The following KHDRBS2 variants were observed in gnomAD, a reference collection of about 807,000 sequenced individuals.
KHDRBS2 encodes the protein KH domain-containing, RNA-binding, signal transduction-associated protein 2.
Under a neutral mutation model 44.3 loss-of-function variants are expected in KHDRBS2, and 26 were observed. The ratio of observed to expected loss-of-function variants is 0.59; its 90% CI spans 0.43 to 0.81. The LOEUF is 0.81. KHDRBS2 is among the 40% of genes least tolerant of loss of function. The pLI is 0.00. For synonymous variants in KHDRBS2, 194 were observed against 151.1 expected, an observed-to-expected ratio of 1.28 and a Z score of -2.08; for missense variants, 476 against 433.1, an observed-to-expected ratio of 1.10 and a Z score of -0.88.
intron 6 of KHDRBS2, among the ~76,000 whole-genome samples, chr6:61,747,896 T>C (rs566568057): frequency 1.3e-5 from 2 of 152,342 alleles, no homozygotes; most frequent in African/African-American, 2.4e-5. Context: ...GGTTAACAGA[T>C]AAAATGTAAA....
intron 1 of KHDRBS2, among the ~76,000 whole-genome samples, chr6:62,264,665 C>A (rs1395560913): frequency 6.6e-6 from 1 of 151,760 alleles, no homozygotes; most frequent in East Asian, 1.9e-4. Context: ...ACCGATTTTA[C>A]ACTTATTGAG....
At chr6:61,804,574 C>G (rs1786830486) in intron 6 of KHDRBS2, among the ~76,000 whole-genome samples, 1 of 152,198 alleles carries the variant, frequency 6.6e-6, no homozygotes, top group Non-Finnish European at 1.5e-5. Flanking sequence ...GGGCTCTTCC[C>G]CGGCAGCAAA....
chr6:62,274,367 T>C (rs1168158396), intron 1 of KHDRBS2, among the ~76,000 whole-genome samples: 1 of 152,146 alleles, frequency 6.6e-6, no homozygotes, highest in African/African-American at 2.4e-5. Context: ...TCCATCACAC[T>C]TGCCCCTTTT....
chr6:61,852,797 TA>T (rs1355169329), intron 6 of KHDRBS2, among the ~76,000 whole-genome samples: 1 of 152,190 alleles, frequency 6.6e-6, no homozygotes. Context: ...AAAATAATCT[TA>T]AAAATTGAGT....
At chr6:62,030,573 T>A (rs1473072494) in intron 3 of KHDRBS2, among the ~76,000 whole-genome samples, 2 of 152,080 alleles carry the variant, frequency 1.3e-5, no homozygotes, top group Non-Finnish European at 2.9e-5. Flanking sequence ...AATGATTATT[T>A]GCAGAATGAA....
At chr6:61,802,237 C>T (rs543837052) in intron 6 of KHDRBS2, among the ~76,000 whole-genome samples, 2 of 152,110 alleles carry the variant, frequency 1.3e-5, no homozygotes, top group African/African-American at 4.8e-5. Flanking sequence ...TTGTGAAACC[C>T]TAACAGAAAA....
chr6:62,106,107 C>A (rs1348053208), intron 2 of KHDRBS2, among the ~76,000 whole-genome samples: 1 of 152,054 alleles, frequency 6.6e-6, no homozygotes, highest in East Asian at 1.9e-4. Flanking sequence ...TTTCTTAATC[C>A]TGAGTTCTAG....
chr6:62,015,398 G>T lies in KHDRBS2; in HGVS notation c.336+32480C>A, dbSNP rs553183265. 4.6e-5 allele frequency among the ~76,000 whole-genome samples: 7 copies of T among 152,268 alleles called. No homozygotes were observed. In the East Asian group the frequency reaches 1.4e-3, roughly 29 times the overall value. ...TGGCTTTATAAGATGTAAGGGAAAAGTGGTGGAGATGCAGGTGCATGCTTT... is the reference window on the plus strand; with the variant it reads ...TGGCTTTATAAGATGTAAGGGAAAATTGGTGGAGATGCAGGTGCATGCTTT... On this transcript the variant is annotated intron_variant, in intron 3 of 8. Coordinates refer to ENST00000281156, the MANE Select transcript of KHDRBS2 (RefSeq NM_152688.4).
intron 2 of KHDRBS2, among the ~76,000 whole-genome samples, chr6:62,073,070 G>A (rs926985041): frequency 6.6e-6 from 1 of 152,142 alleles, no homozygotes; most frequent in South Asian, 2.1e-4. Context: ...TTAGTCTTGG[G>A]AGGGTGTATG....
intron 6 of KHDRBS2, among the ~76,000 whole-genome samples, chr6:61,801,153 A>G (rs1355748508): frequency 2.0e-5 from 3 of 152,194 alleles, no homozygotes; most frequent in Admixed American, 6.6e-5. Flanking sequence ...CTTTAGTTTT[A>G]GGTAACATAA....
chr6:61,756,844 A>G (rs1361219441), intron 6 of KHDRBS2, among the ~76,000 whole-genome samples: 3 of 152,168 alleles, frequency 2.0e-5, no homozygotes, highest in African/African-American at 7.2e-5. Context: ...TTCTCTTGCT[A>G]TTTTGTAATT....
chr6:62,176,101 A>G (rs1332932732), intron 2 of KHDRBS2, among the ~76,000 whole-genome samples: 1 of 151,416 alleles, frequency 6.6e-6, no homozygotes, highest in African/African-American at 2.4e-5. Flanking sequence ...TTATACTCCA[A>G]CATATTTCTA....
intron 1 of KHDRBS2, among the ~76,000 whole-genome samples, chr6:62,231,616 C>T (rs950305812): frequency 6.6e-6 from 1 of 152,046 alleles, no homozygotes; most frequent in Non-Finnish European, 1.5e-5. Context: ...ACAGTGAGAA[C>T]AATAAAATCA....
intron 6 of KHDRBS2, among the ~76,000 whole-genome samples, chr6:61,802,638 G>A (rs1009514671): frequency 6.6e-5 from 10 of 152,096 alleles, no homozygotes; most frequent in African/African-American, 2.2e-4. Context: ...ATGTCCCTAA[G>A]TACCTAAGGC....
At chr6:62,244,845 C>G (rs1563127070) in intron 1 of KHDRBS2, among the ~76,000 whole-genome samples, 1 of 152,010 alleles carries the variant, frequency 6.6e-6, no homozygotes, top group Non-Finnish European at 1.5e-5. Context: ...ATTGTATCTG[C>G]AGACGTTTGT....
At chr6:62,014,833 ATAAAT>A (rs1258500697) in intron 3 of KHDRBS2, among the ~76,000 whole-genome samples, 1 of 152,140 alleles carries the variant, frequency 6.6e-6, no homozygotes, top group Admixed American at 6.6e-5. Flanking sequence ...CATATATTTG[ATAAAT>A]TACATTACAT....
At chr6:61,954,060 T>G (rs1260425949) in intron 4 of KHDRBS2, among the ~76,000 whole-genome samples, 1 of 151,966 alleles carries the variant, frequency 6.6e-6, no homozygotes, top group Admixed American at 6.6e-5. Flanking sequence ...GTCTGTCAAA[T>G]AGTAACAGAG....
At chr6:62,083,828 T>C (rs1055435260) in intron 2 of KHDRBS2, among the ~76,000 whole-genome samples, 2 of 152,232 alleles carry the variant, frequency 1.3e-5, no homozygotes, top group African/African-American at 4.8e-5. Flanking sequence ...TTGTATTTCA[T>C]AGGCTTGTGA....
intron 2 of KHDRBS2, among the ~76,000 whole-genome samples, chr6:62,121,760 T>C (rs145446717): frequency 2.6e-5 from 4 of 152,306 alleles, no homozygotes; most frequent in African/African-American, 7.2e-5. Context: ...ACTATGCTGA[T>C]TGGATCTAGT....
Sources: allele counts gnomAD v4.1 joint callset (sites outside exome capture counted in the v4.1 genomes callset), GRCh38; gene constraint gnomAD v4.1.1; transcripts MANE v1.5; gene names NCBI Gene and HGNC (gene_info 2026-07-23, HGNC 2026-07-21).